ARHGEF28: variants seen among roughly 807,000 people sequenced by gnomAD.
ARHGEF28 encodes Rho guanine nucleotide exchange factor 28.
In ARHGEF28, 152 loss-of-function variants were observed where a neutral mutation model predicts 206.6. The ratio of observed to expected loss-of-function variants is 0.74; its 90% CI spans 0.64 to 0.84. The LOEUF (loss-of-function observed/expected upper bound fraction) is 0.84. Ranked by LOEUF, ARHGEF28 falls within the 40% of genes least tolerant of loss-of-function variation. The probability of loss-of-function intolerance (pLI) is 0.00; values close to 1 mark genes in which losing one functional copy is unlikely to be tolerated. For missense variants in ARHGEF28, 2,028 were observed against 2,073.2 expected, an observed-to-expected ratio of 0.98 and a Z score of 0.42; for synonymous variants, 763 against 776.4, an observed-to-expected ratio of 0.98 and a Z score of 0.29.
intron 9 of ARHGEF28, among the ~76,000 whole-genome samples, chr5:73,815,189 GGTAT>G (rs1756114832): frequency 9.3e-6 from 1 of 107,426 alleles, no homozygotes; most frequent in South Asian, 2.9e-4. Context: ...TGATTCAGGG[GGTAT>G]ATATATATAT....
intron 2 of ARHGEF28, among the ~76,000 whole-genome samples, chr5:73,712,535 T>C (rs1159677449): frequency 6.6e-6 from 1 of 152,214 alleles, no homozygotes; most frequent in Non-Finnish European, 1.5e-5. Context: ...ATATATCTTG[T>C]CGCTAAAGCT....
In ARHGEF28 at chr5:73,857,629, C is replaced by A. The variant is rs190926037; in HGVS notation, c.1791-27C>A. The A allele has an allele frequency of 7.7e-6, 12 of 1,551,264 alleles. No individual in the cohort carries two copies. The East Asian group carries it at 1.7e-4, about 22-fold the overall frequency. ...TGCTATTCTTCCTAAGTCATATGAG[C>A]CATGATAACAGATTCTGTTTTTGTA... On this transcript the variant is annotated intron_variant, in intron 14 of 35. Transcript: ENST00000513042.
At chr5:73,880,187 T>G (rs902364836) in intron 22 of ARHGEF28, among the ~76,000 whole-genome samples, 9 of 152,176 alleles carry the variant, frequency 5.9e-5, no homozygotes, top group Non-Finnish European at 1.2e-4. Flanking sequence ...CAGACTGCTG[T>G]GCTAGCAATC....
chr5:73,677,503 G>A (rs1412290154), intron 1 of ARHGEF28, among the ~76,000 whole-genome samples: 2 of 152,168 alleles, frequency 1.3e-5, no homozygotes, highest in East Asian at 1.9e-4. Flanking sequence ...GATGAAAAAT[G>A]TGAAAAATTC....
chr5:73,884,044 ATTATC>A (rs1761116273), intron 24 of ARHGEF28, among the ~76,000 whole-genome samples, 160 bp downstream of exon 24: 1 of 152,116 alleles, frequency 6.6e-6, no homozygotes, highest in South Asian at 2.1e-4. Context: ...GTTTTTAGAA[ATTATC>A]TTTTATAATG....
rs766621844 is a variant in ARHGEF28 at position 73,868,051 on chromosome 5, G to T, written c.2297+31G>T. ...GCTGAGTGTGTTTTTACATATTAAT[G>T]GCTCAGAGAGCTTCTGGGGCTAACT... On this transcript the variant is annotated intron_variant, in intron 19 of 35. Coordinates refer to ENST00000513042, the MANE Select transcript of ARHGEF28 (RefSeq NM_001177693.2). The T allele has an allele frequency of 3.7e-6, 6 of 1,613,312 alleles. No homozygotes were observed. In the South Asian group the frequency reaches 5.5e-5, roughly 15 times the overall value.
intron 8 of ARHGEF28, 91 bp downstream of exon 8, chr5:73,794,545 TAAA>T: frequency 9.7e-7 from 1 of 1,035,430 alleles, no homozygotes; most frequent in Non-Finnish European, 1.4e-6. Flanking sequence ...TAAAAAACAC[TAAA>T]AAAAGGATGT....
chr5:73,773,043 A>T (rs1425653573), intron 4 of ARHGEF28, among the ~76,000 whole-genome samples: 1 of 152,262 alleles, frequency 6.6e-6, no homozygotes, highest in Non-Finnish European at 1.5e-5. Context: ...ATTTAAATAC[A>T]CACAAACCGT....
At chr5:73,750,345 C>T (rs918041700) in intron 3 of ARHGEF28, among the ~76,000 whole-genome samples, 1 of 152,092 alleles carries the variant, frequency 6.6e-6, no homozygotes, top group Non-Finnish European at 1.5e-5. Flanking sequence ...AGGGTTGGCT[C>T]AGGCAGAACT....
chr5:73,928,226 A>G (rs1046081480), intron 35 of ARHGEF28, among the ~76,000 whole-genome samples: 1 of 152,064 alleles, frequency 6.6e-6, no homozygotes, highest in African/African-American at 2.4e-5. Flanking sequence ...CGAGAGCCTG[A>G]CCAACATGGT....
intron 7 of ARHGEF28, 80 bp downstream of exon 7, chr5:73,780,825 G>T: frequency 4.8e-6 from 7 of 1,471,992 alleles, no homozygotes; most frequent in Non-Finnish European, 6.5e-6. Flanking sequence ...GAAGTGTGTG[G>T]TGAAGCCGGC....
At chr5:73,856,832 G>GTT (rs1458879370) in intron 14 of ARHGEF28, among the ~76,000 whole-genome samples, 1 of 152,102 alleles carries the variant, frequency 6.6e-6, no homozygotes. Context: ...ATCTACAGAA[G>GTT]TGTTACCTGG....
At chr5:73,700,753 A>G (rs995563888) in intron 2 of ARHGEF28, among the ~76,000 whole-genome samples, 5 of 152,238 alleles carry the variant, frequency 3.3e-5, no homozygotes, top group Non-Finnish European at 7.3e-5. Context: ...ATAAATATGT[A>G]TAATTACAAT....
intron 35 of ARHGEF28, among the ~76,000 whole-genome samples, chr5:73,916,203 C>T (rs1303907812): frequency 1.3e-5 from 2 of 152,080 alleles, no homozygotes; most frequent in Non-Finnish European, 2.9e-5. Context: ...GATAATTTCT[C>T]ATGTTTTAAA....
chr5:73,749,792 C>A, intron 2 of ARHGEF28, 45 bp from the exon 3 acceptor site: 1 of 1,606,148 alleles, frequency 6.2e-7, no homozygotes, highest in Non-Finnish European at 8.5e-7. Flanking sequence ...TTCTTAGAGC[C>A]AGGACAAGGA....
intron 1 of ARHGEF28, among the ~76,000 whole-genome samples, chr5:73,675,200 C>T (rs553887328): frequency 1.3e-5 from 2 of 152,158 alleles, no homozygotes; most frequent in East Asian, 3.9e-4. Flanking sequence ...TTGGAGGACA[C>T]CCAGCTTGTG....
intron 35 of ARHGEF28, among the ~76,000 whole-genome samples, chr5:73,913,200 G>A (rs770015854): frequency 5.9e-5 from 9 of 152,190 alleles, no homozygotes; most frequent in Non-Finnish European, 1.0e-4. Context: ...GGCCAAGGAC[G>A]CTCAGGACAT....
intron 10 of ARHGEF28, among the ~76,000 whole-genome samples, chr5:73,837,481 C>T (rs1757716622): frequency 6.6e-6 from 1 of 151,976 alleles, no homozygotes; most frequent in Admixed American, 6.5e-5. Flanking sequence ...TAAAATACTT[C>T]TTGAGCCCTT....
At chr5:73,869,229 G>GGT (rs1554072949) in intron 20 of ARHGEF28, among the ~76,000 whole-genome samples, 1 of 125,516 alleles carries the variant, frequency 8.0e-6, no homozygotes, top group African/African-American at 3.1e-5. Context: ...GGGTGGAGGG[G>GGT]GGTGGGGAAG....
Sources: gnomAD v4.1 joint callset for allele counts (sites outside exome capture counted in the v4.1 genomes callset) on GRCh38, gnomAD v4.1.1 for gene constraint, MANE v1.5 for transcripts, NCBI Gene and HGNC (gene_info 2026-07-23, HGNC 2026-07-21) for gene names.